OPN3: variants seen among roughly 807,000 people sequenced by gnomAD.
The protein encoded by OPN3 is opsin 3, also known as opsin-3.
A neutral mutation model predicts 33.8 loss-of-function variants in OPN3; 29 were observed. The ratio of observed to expected loss-of-function variants is 0.86; its 90% CI spans 0.64 to 1.17. OPN3 has a LOEUF of 1.17. OPN3 is among the 50% of genes most tolerant of loss of function. The pLI is 0.00. For synonymous variants in OPN3, 216 were observed against 216.1 expected (o/e 1.00, Z 0.00); for missense variants, 437 against 514.1 (o/e 0.85, Z 1.45).
intron 1 of OPN3, chr1:241,630,487 C>T (rs1157297782): frequency 1.3e-5 from 2 of 152,100 alleles, no homozygotes; most frequent in East Asian, 3.9e-4. Context: ...CCTGCAACTT[C>T]TTGAATTAGT....
chr1:241,602,900 T>A (rs1450793222), intron 2 of OPN3, among the ~76,000 whole-genome samples: 1 of 152,066 alleles, frequency 6.6e-6, no homozygotes, highest in Non-Finnish European at 1.5e-5. Flanking sequence ...TCAATAAATA[T>A]CAGGTAAATG....
chr1:241,611,609 A>AT (rs1276543342), intron 1 of OPN3, among the ~76,000 whole-genome samples: 1 of 152,186 alleles, frequency 6.6e-6, no homozygotes, highest in Non-Finnish European at 1.5e-5. Context: ...AGCTTGCACC[A>AT]TTTAGGTGCC....
intron 1 of OPN3, 106 bp from the exon 2 acceptor site, chr1:241,604,685 C>A: frequency 1.0e-6 from 1 of 986,152 alleles, no homozygotes; most frequent in Non-Finnish European, 1.5e-6. Flanking sequence ...TATCTGAGAT[C>A]GATAGAGTGC....
intron 1 of OPN3, chr1:241,634,720 T>C: frequency 6.2e-7 from 1 of 1,614,030 alleles, no homozygotes; most frequent in Non-Finnish European, 8.5e-7. Context: ...TAGTGCAAGA[T>C]GATTCTGATG....
At chr1:241,634,821 C>G (rs1266632076) in intron 1 of OPN3, 2 of 1,613,308 alleles carry the variant, frequency 1.2e-6, no homozygotes, top group Admixed American at 3.3e-5. Context: ...TGCCTGAAAG[C>G]TTGGTATTCA....
chr1:241,625,406 G>A (rs918289986), intron 1 of OPN3, among the ~76,000 whole-genome samples: 1 of 152,090 alleles, frequency 6.6e-6, no homozygotes, highest in African/African-American at 2.4e-5. Context: ...ATGCTAAAAT[G>A]TTTTTACATT....
intron 1 of OPN3, chr1:241,615,941 AG>A: frequency 2.2e-6 from 1 of 456,694 alleles, no homozygotes; most frequent in Non-Finnish European, 4.4e-6. Flanking sequence ...TCCAACCTAG[AG>A]GCAAACGGAC....
intron 1 of OPN3, among the ~76,000 whole-genome samples, chr1:241,610,911 C>A (rs1238258109): frequency 2.6e-5 from 4 of 151,954 alleles, no homozygotes; most frequent in Non-Finnish European, 5.9e-5. Context: ...ATAATAGTAC[C>A]AAAATGCTGT....
In OPN3 at chr1:241,597,781, A is replaced by G; in HGVS notation, c.910T>C (p.Tyr304His). 1 of 1,613,944 alleles carries G rather than the reference A, an allele frequency of 6.2e-7. No individual in the cohort carries two copies. The highest frequency in any genetic ancestry group is 1.1e-5 in the South Asian group (1 of 91,078). The change falls in exon 3 of 4, where the codon TAC (tyrosine) becomes CAC (histidine). Residue 304 changes from tyrosine (Y) to histidine (H), a missense_variant. Physicochemically the swap from Tyr to His is moderately conservative, Grantham distance 83. Transcript: ENST00000366554. ...ATGAAGACATAAATCACTGGATTGTATACAGTGTTCGATTTAGCAAAGAGG... is the reference window on the plus strand; with the variant it reads ...ATGAAGACATAAATCACTGGATTGTGTACAGTGTTCGATTTAGCAAAGAGG... Reference protein sequence around the residue: ...SYLFAKSNTVYNPVIYVFMIR... With the variant: ...SYLFAKSNTVHNPVIYVFMIR...
intron 1 of OPN3, among the ~76,000 whole-genome samples, chr1:241,619,734 C>G (rs1236920611): frequency 6.6e-6 from 1 of 152,190 alleles, no homozygotes; most frequent in Non-Finnish European, 1.5e-5. Flanking sequence ...TTAGGGAATT[C>G]TCTCACATTA....
chr1:241,640,015 C>A lies in OPN3; in HGVS notation c.240G>T (p.Leu80=). The A allele has an allele frequency of 6.2e-7, 1 of 1,613,314 alleles. No individual in the cohort carries two copies. The highest frequency in any genetic ancestry group is 8.5e-7 in the Non-Finnish European group (1 of 1,179,698). The change falls in exon 1 of 4, where the codon CTG becomes CTT. Residue 80 remains leucine, a synonymous_variant. Coordinates refer to ENST00000366554, the MANE Select transcript of OPN3 (RefSeq NM_014322.3). ...QRLRTPTHLL[L]VNISLSDLLV... is the part of the protein sequence containing the mutation. Reference sequence around the variant, plus strand: ...GCAGGTCGCTGAGGCTGATGTTGACCAGGAGGAGGTGAGTGGGAGTGCGGA... The same window carrying A: ...GCAGGTCGCTGAGGCTGATGTTGACAAGGAGGAGGTGAGTGGGAGTGCGGA...
intron 1 of OPN3, chr1:241,631,338 T>C (rs928724716): frequency 3.3e-5 from 5 of 152,120 alleles, no homozygotes; most frequent in Non-Finnish European, 7.4e-5. Flanking sequence ...TTATGAATAA[T>C]CTGTGATACT....
chr1:241,627,523 G>T (rs1664454665), intron 1 of OPN3, among the ~76,000 whole-genome samples: 1 of 152,132 alleles, frequency 6.6e-6, no homozygotes, highest in South Asian at 2.1e-4. Flanking sequence ...TTGTCCTGAG[G>T]ATCACATAAG....
intron 1 of OPN3, among the ~76,000 whole-genome samples, chr1:241,612,879 C>T (rs1441787047): frequency 1.3e-5 from 2 of 152,130 alleles, no homozygotes; most frequent in African/African-American, 4.8e-5. Context: ...TCTTTCTCCT[C>T]ATGGTCCCCT....
chr1:241,610,957 A>G (rs929658096), intron 1 of OPN3, among the ~76,000 whole-genome samples: 6 of 130,740 alleles, frequency 4.6e-5, no homozygotes, highest in Non-Finnish European at 9.5e-5. Flanking sequence ...TTAAATGAGA[A>G]TATACATGTT....
intron 2 of OPN3, among the ~76,000 whole-genome samples, chr1:241,601,342 A>T (rs1241960041): frequency 6.7e-6 from 1 of 149,056 alleles, no homozygotes; most frequent in Non-Finnish European, 1.5e-5. Flanking sequence ...CAAAAATTTT[A>T]AAAAGGAGAA....
intron 1 of OPN3, chr1:241,635,213 T>C: frequency 6.2e-7 from 1 of 1,613,498 alleles, no homozygotes; most frequent in African/African-American, 1.3e-5. Flanking sequence ...CATACAAGTT[T>C]TATCTCCACA....
Position 241,640,300 on chromosome 1 carries a change from G to C in OPN3, c.-46C>G. 2 of 1,115,052 alleles carry C rather than the reference G, an allele frequency of 1.8e-6. No homozygotes were observed. The highest frequency in any genetic ancestry group is 2.2e-6 in the Non-Finnish European group (2 of 916,928). The allele number at this position is 1,115,052 out of a possible 1,614,324, so 69.1% of individuals were successfully genotyped here. The stretch of plus-strand genomic sequence containing the variant: ...GGCGGGCGGAGGCGCTCAGCTTGCG[G>C]CGGGGCTCGCGGCGCGCTCCGCACT... On this transcript the variant is annotated 5_prime_UTR_variant, in exon 1 of 4. Coordinates refer to ENST00000366554, the MANE Select transcript of OPN3 (RefSeq NM_014322.3).
rs755198774 is a variant in OPN3 at position 241,639,979 on chromosome 1, G to A, written c.276C>T (p.Leu92=). 1.3e-4 allele frequency: 204 copies of A among 1,612,626 alleles called. No homozygotes were observed. Among genetic ancestry groups the A allele is most frequent in the Non-Finnish European group, 1.7e-4 (199 of 1,179,472 alleles). The change falls in exon 1 of 4, where the codon CTC becomes CTT. Residue 92 remains leucine, a synonymous_variant. Transcript: ENST00000366554. ...ACACGAAGGTAAAGGTGACCCCGAAGAGGGACACCAGCAGGTCGCTGAGGC... is the reference window on the plus strand; with the variant it reads ...ACACGAAGGTAAAGGTGACCCCGAAAAGGGACACCAGCAGGTCGCTGAGGC... ...NISLSDLLVS[L]FGVTFTFVSC...
Sources: gnomAD v4.1 joint callset for allele counts (sites outside exome capture counted in the v4.1 genomes callset) on GRCh38, gnomAD v4.1.1 for gene constraint, MANE v1.5 for transcripts, NCBI Gene and HGNC (gene_info 2026-07-23, HGNC 2026-07-21) for gene names.